The following ELAVL4 variants were observed in gnomAD, a reference collection of about 807,000 sequenced individuals.
ELAVL4 encodes the protein ELAV-like protein 4.
In ELAVL4, 1 loss-of-function variant was observed where a neutral mutation model predicts 35.6. That is an observed-to-expected ratio of 0.03 (90% confidence interval 0.01 to 0.13). The LOEUF is 0.13. Ranked by LOEUF, ELAVL4 falls within the 10% of genes least tolerant of loss-of-function variation. ELAVL4 has a pLI of 1.00. For missense variants in ELAVL4, 267 were observed against 464.9 expected (o/e 0.57, Z 3.91); for synonymous variants, 156 against 171.0 (o/e 0.91, Z 0.69).
At chr1:50,181,921 G>A (rs1557846321) in intron 3 of ELAVL4, among the ~76,000 whole-genome samples, 2 of 152,198 alleles carry the variant, frequency 1.3e-5, no homozygotes, top group African/African-American at 4.8e-5. Context: ...GACCTCAGGT[G>A]ATCCACCCGC....
upstream of ELAVL4, among the ~76,000 whole-genome samples, chr1:50,108,319 C>T (rs926500556): frequency 2.0e-5 from 3 of 152,110 alleles, no homozygotes; most frequent in Admixed American, 6.6e-5. Context: ...TAATCCCCAA[C>T]TTGCTTGCTT....
At chr1:50,194,944 G>GGT (rs1237320540) in intron 4 of ELAVL4, among the ~76,000 whole-genome samples, 6 of 152,166 alleles carry the variant, frequency 3.9e-5, no homozygotes, top group African/African-American at 1.4e-4. Flanking sequence ...CAGGGTGGCT[G>GGT]GTGTGAGCCT....
At chr1:50,057,456 C>T (rs1400817771) in intron 1 of ELAVL4, among the ~76,000 whole-genome samples, 2 of 152,154 alleles carry the variant, frequency 1.3e-5, no homozygotes, top group African/African-American at 4.8e-5. Context: ...CCTAGGCCTT[C>T]GTATTCACTC....
chr1:50,195,871 G>C (rs766995497), intron 5 of ELAVL4, 85 bp downstream of exon 5: 35 of 1,494,212 alleles, frequency 2.3e-5, no homozygotes, highest in Non-Finnish European at 4.6e-6. Context: ...CCTGACAAAT[G>C]GGGCAAGGGT....
chr1:50,182,870 C>CT lies in ELAVL4; in HGVS notation c.354+5690dup, dbSNP rs544097612. Reference sequence around the variant, plus strand: ...TTTTATATATTTATATATTTCCATCCTTTTTTTTTTTTAAATTAAGACAGG... The same window carrying CT: ...TTTTATATATTTATATATTTCCATCCTTTTTTTTTTTTTAAATTAAGACAGG... On this transcript the variant is annotated intron_variant, in intron 3 of 6. Transcript: ENST00000371824. Among the ~76,000 whole-genome samples the CT allele has an allele frequency of 9.7e-4, 142 of 146,146 alleles. 2 individuals are homozygous for CT. The South Asian group carries it at 0.014, about 15-fold the overall frequency.
intron 1 of ELAVL4, among the ~76,000 whole-genome samples, chr1:50,129,997 CAG>C (rs751509982): frequency 7.9e-5 from 12 of 152,136 alleles, no homozygotes; most frequent in Non-Finnish European, 1.5e-4. Context: ...AATTGCACTG[CAG>C]AGAGTCTGAA....
intron 1 of ELAVL4, among the ~76,000 whole-genome samples, chr1:50,097,621 T>A (rs1016469587): frequency 2.0e-5 from 3 of 152,114 alleles, no homozygotes; most frequent in African/African-American, 7.2e-5. Flanking sequence ...TTAAAATGGA[T>A]CTTACTTTCA....
intron 3 of ELAVL4, among the ~76,000 whole-genome samples, chr1:50,189,068 A>C (rs1682268768): frequency 6.6e-6 from 1 of 152,218 alleles, no homozygotes; most frequent in African/African-American, 2.4e-5. Context: ...CCCATCTTCT[A>C]ATGCCAGTGT....
chr1:50,157,534 T>C (rs1323596146), intron 2 of ELAVL4, among the ~76,000 whole-genome samples: 2 of 152,212 alleles, frequency 1.3e-5, no homozygotes, highest in Non-Finnish European at 2.9e-5. Context: ...CATCAGTGTC[T>C]AACTGTTATT....
At chr1:50,100,548 A>G (rs1365219584), upstream of ELAVL4, among the ~76,000 whole-genome samples, 2 of 152,270 alleles carry the variant, frequency 1.3e-5, no homozygotes, top group South Asian at 2.1e-4. Flanking sequence ...AGCCTTCCCC[A>G]TCACTCCAGA....
chr1:50,130,166 T>G (rs930231667), intron 1 of ELAVL4, among the ~76,000 whole-genome samples: 3 of 152,156 alleles, frequency 2.0e-5, no homozygotes, highest in Admixed American at 1.3e-4. Context: ...TACTGACTAA[T>G]AAACAGCAGA....
chr1:50,143,926 G>GTCATTCCATACAGGGCATCTTCA (rs1553177617), intron 1 of ELAVL4, among the ~76,000 whole-genome samples: 8 of 152,194 alleles, frequency 5.3e-5, no homozygotes, highest in African/African-American at 1.9e-4. Context: ...CTCCATGTTT[G>GTCATTCCATACAGGGCATCTTCA]TCATTCCATA....
chr1:50,134,255 A>G (rs1480004031), intron 1 of ELAVL4, among the ~76,000 whole-genome samples: 2 of 152,184 alleles, frequency 1.3e-5, no homozygotes, highest in East Asian at 1.9e-4. Context: ...TTATAAATAT[A>G]CAATACTAAT....
intron 2 of ELAVL4, among the ~76,000 whole-genome samples, chr1:50,156,024 C>T (rs1405541755): frequency 6.9e-6 from 1 of 145,352 alleles, no homozygotes; most frequent in East Asian, 2.2e-4. Flanking sequence ...TGTGCGTGCA[C>T]AGGCACGCAC....
intron 1 of ELAVL4, among the ~76,000 whole-genome samples, chr1:50,097,949 G>A (rs1287006396): frequency 6.6e-6 from 1 of 152,168 alleles, no homozygotes; most frequent in Non-Finnish European, 1.5e-5. Context: ...AAAATTTCAA[G>A]CAGGAGTTTT....
intron 1 of ELAVL4, among the ~76,000 whole-genome samples, chr1:50,089,209 T>C (rs553497108): frequency 3.3e-5 from 5 of 152,048 alleles, no homozygotes; most frequent in Non-Finnish European, 7.4e-5. Context: ...ATCATTACAG[T>C]GTGAAAAGGG....
At chr1:50,159,365 T>C (rs537812907) in intron 2 of ELAVL4, among the ~76,000 whole-genome samples, 2 of 152,262 alleles carry the variant, frequency 1.3e-5, no homozygotes, top group South Asian at 4.2e-4. Context: ...CCTGGCACTG[T>C]GGGAGACCGA....
In ELAVL4 at chr1:50,156,962, C is replaced by T. The variant is rs534834782; in HGVS notation, c.250+11765C>T. Among the ~76,000 whole-genome samples, 10 of 152,282 alleles carry T rather than the reference C, an allele frequency of 6.6e-5. No individual in the cohort carries two copies. In the East Asian group the frequency reaches 1.7e-3, roughly 26 times the overall value. Reference sequence around the variant, plus strand: ...AAAGCCTTTAGTTCAATAAGATGCTCCTCCATTTACAGTGGGATTATATCC... The same window carrying T: ...AAAGCCTTTAGTTCAATAAGATGCTTCTCCATTTACAGTGGGATTATATCC... On this transcript the variant is annotated intron_variant, in intron 2 of 6. Transcript: ENST00000371824.
At chr1:50,160,419 TG>T (rs1294417966) in intron 2 of ELAVL4, among the ~76,000 whole-genome samples, 3 of 152,248 alleles carry the variant, frequency 2.0e-5, no homozygotes, top group Non-Finnish European at 4.4e-5. Context: ...TTTTGTTTCT[TG>T]TTTTTTTTCT....
Sources: allele counts gnomAD v4.1 joint callset (sites outside exome capture counted in the v4.1 genomes callset), GRCh38; gene constraint gnomAD v4.1.1; transcripts MANE v1.5; gene names NCBI Gene and HGNC (gene_info 2026-07-23, HGNC 2026-07-21).